Variants in PAMR1 observed in about 807,000 individuals in gnomAD.
PAMR1 encodes inactive serine protease PAMR1.
A neutral mutation model predicts 81.8 loss-of-function variants in PAMR1; 88 were observed. The observed-to-expected ratio is 1.08, with a 90% confidence interval of 0.91 to 1.28. The LOEUF (loss-of-function observed/expected upper bound fraction) is 1.28. PAMR1 is among the 50% of genes most tolerant of loss of function. PAMR1 has a pLI of 0.00. For missense variants in PAMR1, 935 were observed against 919.7 expected, an observed-to-expected ratio of 1.02 and a Z score of -0.21; for synonymous variants, 336 against 345.3, an observed-to-expected ratio of 0.97 and a Z score of 0.30.
intron 6 of PAMR1, among the ~76,000 whole-genome samples, chr11:35,458,308 A>G (rs1366877121): frequency 4.6e-5 from 7 of 152,120 alleles, no homozygotes; most frequent in Non-Finnish European, 1.0e-4. Flanking sequence ...ATCCCATCTA[A>G]TGCTCTATTT....
chr11:35,508,089 C>T (rs1239717525), intron 1 of PAMR1, among the ~76,000 whole-genome samples: 1 of 152,168 alleles, frequency 6.6e-6, no homozygotes, highest in Admixed American at 6.5e-5. Context: ...GTAGTCCTTT[C>T]TTTCTCTGGC....
chr11:35,525,987 G>A, upstream of PAMR1: 1 of 221,756 alleles, frequency 4.5e-6, no homozygotes, highest in South Asian at 8.7e-5. Flanking sequence ...GGTGAGGCCG[G>A]GAGATCTTCC....
chr11:35,500,910 A>G (rs1403100763), intron 1 of PAMR1, among the ~76,000 whole-genome samples: 3 of 152,170 alleles, frequency 2.0e-5, no homozygotes, highest in Non-Finnish European at 4.4e-5. Flanking sequence ...TGGAACAGCT[A>G]TATAAGGCAC....
intron 1 of PAMR1, among the ~76,000 whole-genome samples, chr11:35,499,899 C>T (rs1850798132): frequency 6.6e-6 from 1 of 152,110 alleles, no homozygotes; most frequent in Admixed American, 6.5e-5. Context: ...CCAGGTGGAA[C>T]CAATGTAATC....
chr11:35,452,330 A>G (rs1856436332), intron 6 of PAMR1, among the ~76,000 whole-genome samples: 1 of 152,214 alleles, frequency 6.6e-6, no homozygotes, highest in African/African-American at 2.4e-5. Context: ...AGACAAAAAG[A>G]TTTAAAATAC....
rs772663255 is a variant in PAMR1 at position 35,470,694 on chromosome 11, T to A, written c.619A>T (p.Ile207Phe). The change falls in exon 5 of 11, where the codon ATC becomes TTC. Residue 207 changes from isoleucine (I) to phenylalanine (F), a missense_variant. Coordinates refer to ENST00000619888, the MANE Select transcript of PAMR1 (RefSeq NM_001001991.3). ...RVCGNERPAPIQSIGSSLHVL... is the reference protein window; with the variant it reads ...RVCGNERPAPFQSIGSSLHVL... ...TGGAGTGAGGATCCTATGCTCTGGA[T>A]AGGAGCTGGCCGCTCGTTGCCACAG... is the stretch of plus-strand genomic sequence containing the variant. The A allele has an allele frequency of 1.2e-6, 2 of 1,614,130 alleles. No individual in the cohort carries two copies. Among genetic ancestry groups the A allele is most frequent in the South Asian group, 1.1e-5 (1 of 91,072 alleles).
intron 2 of PAMR1, among the ~76,000 whole-genome samples, chr11:35,492,971 T>C (rs1414447750): frequency 1.3e-5 from 2 of 152,210 alleles, no homozygotes; most frequent in Non-Finnish European, 2.9e-5. Context: ...TTGTTTAAGC[T>C]TTCAGTGACT....
intron 1 of PAMR1, among the ~76,000 whole-genome samples, chr11:35,514,986 C>G (rs930133841): frequency 5.3e-5 from 8 of 152,234 alleles, no homozygotes; most frequent in African/African-American, 1.9e-4. Flanking sequence ...ACCTGGGTGA[C>G]AGACCAAGAT....
chr11:35,508,431 A>T (rs1024343086), intron 1 of PAMR1, among the ~76,000 whole-genome samples: 4 of 151,364 alleles, frequency 2.6e-5, no homozygotes, highest in African/African-American at 9.7e-5. Flanking sequence ...TGAAAATCTC[A>T]GTGCTATATA....
intron 6 of PAMR1, among the ~76,000 whole-genome samples, chr11:35,455,864 T>G (rs932986795): frequency 2.6e-5 from 4 of 151,906 alleles, no homozygotes; most frequent in African/African-American, 9.7e-5. Flanking sequence ...TGCTTTATAC[T>G]TCTCAAGGCT....
intron 1 of PAMR1, among the ~76,000 whole-genome samples, chr11:35,499,305 GATGT>G (rs1420142289): frequency 2.6e-5 from 4 of 152,146 alleles, no homozygotes; most frequent in African/African-American, 4.8e-5. Flanking sequence ...ACCCTGTACA[GATGT>G]ATGTTCGTTC....
chr11:35,464,900 A>G (rs933635080), intron 6 of PAMR1, among the ~76,000 whole-genome samples: 3 of 152,312 alleles, frequency 2.0e-5, no homozygotes, highest in Admixed American at 2.0e-4. Flanking sequence ...AATAGCTTCT[A>G]TCAAGAGTCT....
At chr11:35,485,114 T>G (rs1470063785) in intron 3 of PAMR1, among the ~76,000 whole-genome samples, 2 of 152,118 alleles carry the variant, frequency 1.3e-5, no homozygotes, top group African/African-American at 4.8e-5. Context: ...AAAATCAAGG[T>G]GAACTTAAAA....
chr11:35,477,917 CCCCATCTA>C (rs1362270419), intron 3 of PAMR1, among the ~76,000 whole-genome samples: 1 of 152,130 alleles, frequency 6.6e-6, no homozygotes, highest in African/African-American at 2.4e-5. Context: ...TCCTCATCGC[CCCCATCTA>C]CCCATCTGCT....
chr11:35,436,022 T>A lies in PAMR1; in HGVS notation c.1214A>T (p.His405Leu), dbSNP rs1473319188. The change falls in exon 9 of 11, where the codon CAT (histidine) becomes CTT (leucine). Residue 405 changes from histidine to leucine, a missense_variant. Transcript: ENST00000619888. Reference protein sequence around the residue: ...PFGDLPMGYQHLHTQLQYECI... With the variant: ...PFGDLPMGYQLLHTQLQYECI... ...CTCATACTGGAGCTGGGTATGCAGA[T>A]GTTGGTATCCCATGGGCAGATCTCC... The A allele has an allele frequency of 4.3e-6, 7 of 1,613,966 alleles. No homozygotes were observed. In the South Asian group the frequency reaches 7.7e-5, roughly 18 times the overall value.
At chr11:35,486,977 T>G (rs560405231) in intron 3 of PAMR1, among the ~76,000 whole-genome samples, 1 of 151,952 alleles carries the variant, frequency 6.6e-6, no homozygotes, top group East Asian at 1.9e-4. Flanking sequence ...GGAATATGGG[T>G]GAGTGTGATG....
chr11:35,518,583 G>A (rs1287419480), intron 1 of PAMR1, among the ~76,000 whole-genome samples: 1 of 146,742 alleles, frequency 6.8e-6, no homozygotes, highest in African/African-American at 2.5e-5. Flanking sequence ...ACAACTTGAG[G>A]TGATCAGAGA....
At chr11:35,479,352 G>T (rs1850340383) in intron 3 of PAMR1, among the ~76,000 whole-genome samples, 1 of 152,184 alleles carries the variant, frequency 6.6e-6, no homozygotes, top group Non-Finnish European at 1.5e-5. Flanking sequence ...CTGAGCCAAG[G>T]TCTCTCATTT....
chr11:35,488,752 T>G (rs1310333573), intron 3 of PAMR1, among the ~76,000 whole-genome samples: 4 of 150,626 alleles, frequency 2.7e-5, no homozygotes, highest in Non-Finnish European at 5.9e-5. Flanking sequence ...TTTGTATTGT[T>G]TGTAGAGACA....
Sources: allele counts gnomAD v4.1 joint callset (sites outside exome capture counted in the v4.1 genomes callset), GRCh38; gene constraint gnomAD v4.1.1; transcripts MANE v1.5; gene names NCBI Gene and HGNC (gene_info 2026-07-23, HGNC 2026-07-21).